Variants in KCNIP4 observed in about 807,000 individuals in gnomAD.
The protein encoded by KCNIP4 is Kv channel-interacting protein 4.
A neutral mutation model predicts 34.0 loss-of-function variants in KCNIP4; 12 were observed. The ratio of observed to expected loss-of-function variants is 0.35; its 90% CI spans 0.23 to 0.57. The LOEUF is 0.57. Ranked by LOEUF, KCNIP4 falls within the 20% of genes least tolerant of loss-of-function variation. KCNIP4 has a pLI of 0.83. For missense variants in KCNIP4, 238 were observed against 311.7 expected, an observed-to-expected ratio of 0.76 and a Z score of 1.78; for synonymous variants, 124 against 102.2, an observed-to-expected ratio of 1.21 and a Z score of -1.29.
At chr4:21,286,355 T>C (rs562597297) in intron 1 of KCNIP4, among the ~76,000 whole-genome samples, 1 of 152,306 alleles carries the variant, frequency 6.6e-6, no homozygotes, top group Admixed American at 6.5e-5. Flanking sequence ...AGAATTAACA[T>C]GGCCAAACAT....
chr4:21,519,173 G>T (rs1321692101), intron 1 of KCNIP4, among the ~76,000 whole-genome samples: 1 of 152,010 alleles, frequency 6.6e-6, no homozygotes, highest in Non-Finnish European at 1.5e-5. Context: ...AGACTTAAGG[G>T]TGAAGCTCTC....
intron 1 of KCNIP4, among the ~76,000 whole-genome samples, chr4:21,365,581 A>G (rs1430355474): frequency 6.6e-6 from 1 of 151,900 alleles, no homozygotes; most frequent in Non-Finnish European, 1.5e-5. Context: ...TCCTGTACCT[A>G]AAACAGTTGT....
chr4:21,201,024 G>GT, intron 1 of KCNIP4, among the ~76,000 whole-genome samples: 1 of 152,224 alleles, frequency 6.6e-6, no homozygotes, highest in East Asian at 1.9e-4. Flanking sequence ...TGAATAAGAG[G>GT]TTGAGATTCA....
intron 5 of KCNIP4, among the ~76,000 whole-genome samples, chr4:20,735,551 A>T (rs1168768413): frequency 3.7e-5 from 4 of 109,460 alleles, no homozygotes; most frequent in Non-Finnish European, 5.2e-5. Context: ...TTTTTTTGAG[A>T]TGGAATCTCG....
In KCNIP4 at chr4:20,749,561, C is replaced by G. The variant is rs142394857; in HGVS notation, c.429+101G>C. Reference sequence around the variant, plus strand: ...GAGAAAGGGAGTGTCCTTGGGCTTTCTTTCCCCTGAGCAAAAATAATCATC... The same window carrying G: ...GAGAAAGGGAGTGTCCTTGGGCTTTGTTTCCCCTGAGCAAAAATAATCATC... On this transcript the variant is annotated intron_variant, in intron 5 of 8. Coordinates refer to ENST00000382152, the MANE Select transcript of KCNIP4 (RefSeq NM_025221.6). The G allele has an allele frequency of 1.4e-4, 109 of 763,674 alleles. 1 individual carries two copies. In the East Asian group the frequency reaches 3.0e-3, roughly 21 times the overall value. The allele number at this position is 763,674 out of a possible 1,614,324, so 47.3% of individuals were successfully genotyped here. A position where few individuals can be genotyped will look rare whatever the true frequency, so the allele number is the denominator to read the frequency against.
At chr4:21,405,872 G>T (rs978394966) in intron 1 of KCNIP4, among the ~76,000 whole-genome samples, 7 of 152,092 alleles carry the variant, frequency 4.6e-5, no homozygotes, top group African/African-American at 1.7e-4. Flanking sequence ...TTTTGCTCTC[G>T]TTGCCCATGC....
chr4:20,842,395 T>C (rs919827132), intron 3 of KCNIP4, among the ~76,000 whole-genome samples: 2 of 151,474 alleles, frequency 1.3e-5, no homozygotes, highest in Non-Finnish European at 2.9e-5. Context: ...GCAGAGTAAA[T>C]AGGGATGAGT....
intron 1 of KCNIP4, among the ~76,000 whole-genome samples, chr4:21,409,091 T>A (rs115505913): frequency 0.25 from 38,457 of 151,604 alleles, 5,074 homozygotes; most frequent in African/African-American, 0.29. Context: ...TCTTCAAGTT[T>A]TTTTTTGTTT....
intron 1 of KCNIP4, among the ~76,000 whole-genome samples, chr4:21,371,696 G>T (rs1720468681): frequency 1.4e-5 from 2 of 147,066 alleles, no homozygotes; most frequent in Admixed American, 1.3e-4. Flanking sequence ...GTAAGAGATT[G>T]GTTCCAGATG....
At chr4:21,869,201 A>AC (rs1350071883) in intron 1 of KCNIP4, among the ~76,000 whole-genome samples, 1 of 151,724 alleles carries the variant, frequency 6.6e-6, no homozygotes, top group African/African-American at 2.4e-5. Context: ...TATCATTTCT[A>AC]CCCCAATTTT....
intron 1 of KCNIP4, among the ~76,000 whole-genome samples, chr4:20,888,873 T>C (rs1436225765): frequency 6.6e-6 from 1 of 152,132 alleles, no homozygotes; most frequent in Non-Finnish European, 1.5e-5. Flanking sequence ...AAATAAGATG[T>C]TCTGTCTAAA....
intron 1 of KCNIP4, among the ~76,000 whole-genome samples, chr4:20,971,832 A>G (rs1048396945): frequency 6.6e-6 from 1 of 152,346 alleles, no homozygotes; most frequent in South Asian, 2.1e-4. Context: ...TGCTGTTGAC[A>G]GCATTTTATC....
At chr4:21,257,022 G>A (rs1265983462) in intron 1 of KCNIP4, among the ~76,000 whole-genome samples, 1 of 152,098 alleles carries the variant, frequency 6.6e-6, no homozygotes, top group Non-Finnish European at 1.5e-5. Flanking sequence ...TGCCACAATC[G>A]CTAGAACAGT....
At chr4:21,141,919 A>C (rs1445101419) in intron 1 of KCNIP4, among the ~76,000 whole-genome samples, 1 of 151,882 alleles carries the variant, frequency 6.6e-6, no homozygotes, top group African/African-American at 2.4e-5. Flanking sequence ...TGGGAGGCCG[A>C]GGTGTGTGGA....
intron 1 of KCNIP4, among the ~76,000 whole-genome samples, chr4:21,658,545 A>G (rs542788372): frequency 6.6e-6 from 1 of 152,016 alleles, no homozygotes; most frequent in Non-Finnish European, 1.5e-5. Flanking sequence ...CTTCCTGAGT[A>G]GCTGAGATTA....
At chr4:21,075,662 G>T (rs1745423358) in intron 1 of KCNIP4, among the ~76,000 whole-genome samples, 2 of 152,272 alleles carry the variant, frequency 1.3e-5, no homozygotes, top group East Asian at 3.9e-4. Context: ...ATTGTTATGT[G>T]TGAATTTGAT....
intron 1 of KCNIP4, among the ~76,000 whole-genome samples, chr4:21,087,814 T>C (rs1296164088): frequency 6.6e-6 from 1 of 152,184 alleles, no homozygotes; most frequent in Admixed American, 6.5e-5. Context: ...TGTCTTCATT[T>C]CTGTTTATTC....
chr4:21,098,768 G>A (rs1747681102), intron 1 of KCNIP4, among the ~76,000 whole-genome samples: 1 of 152,098 alleles, frequency 6.6e-6, no homozygotes, highest in Non-Finnish European at 1.5e-5. Context: ...GTAGCTCATG[G>A]ATCAATGAAT....
chr4:20,936,031 A>G (rs1223774030), intron 1 of KCNIP4, among the ~76,000 whole-genome samples: 1 of 152,230 alleles, frequency 6.6e-6, no homozygotes, highest in East Asian at 1.9e-4. Context: ...AAACTGGAAC[A>G]CAAGAGCTTA....
Sources: allele counts gnomAD v4.1 joint callset (sites outside exome capture counted in the v4.1 genomes callset), GRCh38; gene constraint gnomAD v4.1.1; transcripts MANE v1.5; gene names NCBI Gene and HGNC (gene_info 2026-07-23, HGNC 2026-07-21).